Variants in DCAF5 observed in about 807,000 individuals in gnomAD.
DCAF5 encodes DDB1 and CUL4 associated factor 5.
Under a neutral mutation model 80.7 loss-of-function variants are expected in DCAF5, and 9 were observed. The ratio of observed to expected loss-of-function variants is 0.11; its 90% CI spans 0.07 to 0.19. DCAF5 has a LOEUF of 0.19. Ranked by LOEUF, DCAF5 falls within the 10% of genes least tolerant of loss-of-function variation. DCAF5 has a pLI of 1.00. For synonymous variants in DCAF5, 433 were observed against 461.9 expected (o/e 0.94, Z 0.80); for missense variants, 842 against 1,205.7 (o/e 0.70, Z 4.47).
intron 5 of DCAF5, among the ~76,000 whole-genome samples, chr14:69,095,997 C>G (rs765151432): frequency 1.3e-5 from 2 of 152,098 alleles, no homozygotes; most frequent in African/African-American, 2.4e-5. Context: ...AAGTCTCTCC[C>G]CATCACAGTT....
chr14:69,128,180 AT>A (rs1355034791), intron 1 of DCAF5, among the ~76,000 whole-genome samples: 5 of 149,436 alleles, frequency 3.3e-5, no homozygotes, highest in African/African-American at 5.0e-5. Context: ...TGCTTGAACA[AT>A]TTTTTCTTCT....
chr14:69,143,455 CTTT>C (rs35646057), intron 1 of DCAF5, among the ~76,000 whole-genome samples: 1 of 150,076 alleles, frequency 6.7e-6, no homozygotes, highest in Non-Finnish European at 1.5e-5. Flanking sequence ...ACAAAACATT[CTTT>C]TAAGTGTTAC....
chr14:69,054,392 G>A lies in DCAF5; in HGVS notation c.2294C>T (p.Thr765Ile), dbSNP rs376979140. ...GTGCTCTACAGAGCCGCTATTGCCAGTGTCCTGAGAGGTACCCTCTGGCAC... is the reference window on the plus strand; with the variant it reads ...GTGCTCTACAGAGCCGCTATTGCCAATGTCCTGAGAGGTACCCTCTGGCAC... ...AEVPEGTSQDTGNSGSVEHPF... is the reference protein window; with the variant it reads ...AEVPEGTSQDIGNSGSVEHPF... Residue 765 changes from threonine to isoleucine, a missense_variant, in exon 9 of 9, where the codon ACT becomes ATT. By Grantham distance (89) the Thr-to-Ile change is moderately conservative. Transcript: ENST00000341516. 36 of 1,613,976 alleles carry A rather than the reference G, an allele frequency of 2.2e-5. No homozygotes were observed. Among genetic ancestry groups the A allele is most frequent in the East Asian group, 2.2e-4 (10 of 44,900 alleles).
intron 6 of DCAF5, among the ~76,000 whole-genome samples, chr14:69,081,064 A>G (rs1317587774): frequency 6.7e-6 from 1 of 150,022 alleles, no homozygotes; most frequent in African/African-American, 2.5e-5. Context: ...AATAAGATTT[A>G]AAAGAATATA....
At chr14:69,074,463 C>T (rs1226491625) in intron 7 of DCAF5, among the ~76,000 whole-genome samples, 1 of 152,152 alleles carries the variant, frequency 6.6e-6, no homozygotes, top group Non-Finnish European at 1.5e-5. Flanking sequence ...TGTTTGAAAG[C>T]TCAGATAGCT....
intron 5 of DCAF5, among the ~76,000 whole-genome samples, chr14:69,104,604 C>G (rs1312320682): frequency 6.6e-6 from 1 of 151,802 alleles, no homozygotes; most frequent in Non-Finnish European, 1.5e-5. Flanking sequence ...GTCTGTAATC[C>G]CAGCACTTTG....
At chr14:69,081,010 G>A (rs2039078903) in intron 6 of DCAF5, among the ~76,000 whole-genome samples, 1 of 150,450 alleles carries the variant, frequency 6.6e-6, no homozygotes, top group Non-Finnish European at 1.5e-5. Context: ...TTCTGCTTTA[G>A]TACTAAAAAA....
intron 7 of DCAF5, among the ~76,000 whole-genome samples, chr14:69,067,512 T>A (rs2038502327): frequency 6.6e-6 from 1 of 151,610 alleles, no homozygotes; most frequent in Non-Finnish European, 1.5e-5. Flanking sequence ...CCTGGCTAAT[T>A]TTTTGTACTT....
chr14:69,111,704 T>C (rs2040372661), intron 5 of DCAF5, among the ~76,000 whole-genome samples: 1 of 152,174 alleles, frequency 6.6e-6, no homozygotes, highest in Non-Finnish European at 1.5e-5. Context: ...CCAAGATAGA[T>C]ATAACTGGGA....
At chr14:69,060,123 C>G (rs1365167173) in intron 8 of DCAF5, among the ~76,000 whole-genome samples, 2 of 152,070 alleles carry the variant, frequency 1.3e-5, no homozygotes, top group Non-Finnish European at 2.9e-5. Context: ...GGAGAGGACA[C>G]GTTACAGAGT....
Position 69,054,521 on chromosome 14 carries a change from T to A in DCAF5, c.2165A>T (p.Asp722Val), listed in dbSNP as rs1328940798. The A allele has an allele frequency of 8.7e-6, 14 of 1,614,188 alleles. No homozygotes were observed. The highest frequency in any genetic ancestry group is 1.1e-5 in the Non-Finnish European group (13 of 1,180,026). ...LNIAMAQRNQ[D>V]LPPEGCSKDT... ...CTTGCTGCAGCCTTCAGGTGGCAGGTCCTGGTTCCTCTGGGCCATTGCTAT... is the reference window on the plus strand; with the variant it reads ...CTTGCTGCAGCCTTCAGGTGGCAGGACCTGGTTCCTCTGGGCCATTGCTAT... The change falls in exon 9 of 9, where the codon GAC (aspartate) becomes GTC (valine). Residue 722 changes from aspartate (D) to valine (V), a missense_variant. By Grantham distance (152) the Asp-to-Val change is radical (BLOSUM62 -3). Coordinates refer to ENST00000341516, the MANE Select transcript of DCAF5 (RefSeq NM_003861.3).
rs1466972352 is a variant in DCAF5 at position 69,050,906 on chromosome 14, A to G, written c.*2951T>C. 2.0e-5 allele frequency: 3 copies of G among 152,702 alleles called. No individual in the cohort carries two copies. The highest frequency in any genetic ancestry group is 7.2e-5 in the African/African-American group (3 of 41,480). 9.5% of individuals were successfully genotyped at this position (152,702 alleles called of 1,614,324 possible). ...TAAGCAACCAAGTCTTCCCTGGAAG[A>G]GAAGAGGAAGACGTGAGAAGTGAAT... On this transcript the variant is annotated 3_prime_UTR_variant, in exon 9 of 9. Coordinates refer to ENST00000341516, the MANE Select transcript of DCAF5 (RefSeq NM_003861.3).
At chr14:69,130,141 C>T (rs376662140) in intron 1 of DCAF5, among the ~76,000 whole-genome samples, 7 of 152,234 alleles carry the variant, frequency 4.6e-5, no homozygotes, top group Non-Finnish European at 1.0e-4. Context: ...TATTTTATTG[C>T]TCAGAAAAGC....
At position 69,116,395 on chromosome 14, in the gene DCAF5, C is replaced by T. The variant is rs2040546069; in HGVS notation, c.636G>A (p.Val212=). 1.2e-6 allele frequency: 2 copies of T among 1,613,468 alleles called. No individual in the cohort carries two copies. The highest frequency in any genetic ancestry group is 3.3e-4 in the Middle Eastern group (2 of 6,048). The change falls in exon 5 of 9, where the codon GTG becomes GTA. Residue 212 remains valine, a synonymous_variant. Transcript: ENST00000341516. ...GAGGTTTTCGAATGTCCCAGAGTCC[C>T]ACTCCTTCCTTTGAATTGGCTGTGG... ...LLATANSKEG[V]GLWDIRKPQS...
At chr14:69,103,508 T>C (rs2040034915) in intron 5 of DCAF5, among the ~76,000 whole-genome samples, 1 of 152,240 alleles carries the variant, frequency 6.6e-6, no homozygotes, top group Non-Finnish European at 1.5e-5. Context: ...TTATCCAGCC[T>C]CTTCCAATGT....
intron 7 of DCAF5, among the ~76,000 whole-genome samples, chr14:69,070,057 T>C (rs1013056984): frequency 2.0e-5 from 3 of 152,206 alleles, no homozygotes; most frequent in Non-Finnish European, 2.9e-5. Context: ...TTAGGAAATT[T>C]TTCCAAAGCC....
At chr14:69,099,297 CACAACT>C (rs2039866151) in intron 5 of DCAF5, among the ~76,000 whole-genome samples, 1 of 138,024 alleles carries the variant, frequency 7.2e-6, no homozygotes, top group African/African-American at 2.8e-5. Context: ...CACACACACA[CACAACT>C]AACAAAGCAA....
intron 8 of DCAF5, among the ~76,000 whole-genome samples, chr14:69,059,276 G>A (rs1411652692): frequency 1.3e-5 from 2 of 152,050 alleles, no homozygotes; most frequent in African/African-American, 2.4e-5. Flanking sequence ...ATAGAGATGG[G>A]GTTTCCCTGT....
chr14:69,062,097 T>C (rs1300281013), intron 8 of DCAF5, among the ~76,000 whole-genome samples: 1 of 152,132 alleles, frequency 6.6e-6, no homozygotes, highest in Non-Finnish European at 1.5e-5. Context: ...TTATTTTATT[T>C]TTTAAGATGA....
Sources: gnomAD v4.1 joint callset for allele counts (sites outside exome capture counted in the v4.1 genomes callset) on GRCh38, gnomAD v4.1.1 for gene constraint, MANE v1.5 for transcripts, NCBI Gene and HGNC (gene_info 2026-07-23, HGNC 2026-07-21) for gene names.